GPR158: variants seen among roughly 807,000 people sequenced by gnomAD.
GPR158 encodes the protein G protein-coupled receptor 158, also known as metabotropic glycine receptor.
Under a neutral mutation model 78.2 loss-of-function variants are expected in GPR158, and 30 were observed. The observed-to-expected ratio is 0.38, with a 90% CI of 0.29 to 0.52. GPR158 has a LOEUF of 0.52. Among genes scored for constraint, GPR158 ranks in the 20% least tolerant of loss-of-function variants. GPR158 has a pLI of 0.83. For synonymous variants in GPR158, 581 were observed against 591.1 expected, an observed-to-expected ratio of 0.98 and a Z score of 0.25; for missense variants, 1,463 against 1,523.5, an observed-to-expected ratio of 0.96 and a Z score of 0.66.
intron 1 of GPR158, among the ~76,000 whole-genome samples, chr10:25,215,327 A>T: frequency 6.6e-6 from 1 of 152,110 alleles, no homozygotes; most frequent in Non-Finnish European, 1.5e-5. Context: ...ACTCATAGAG[A>T]CAGAAAGTAG....
chr10:25,574,143 T>C (rs1232678462), intron 7 of GPR158, among the ~76,000 whole-genome samples: 1 of 85,838 alleles, frequency 1.2e-5, no homozygotes, highest in Admixed American at 1.3e-4. Context: ...TTTTTCTGTT[T>C]TACAAAAAAA....
intron 2 of GPR158, among the ~76,000 whole-genome samples, chr10:25,351,101 C>T (rs1237474172): frequency 2.6e-5 from 4 of 151,864 alleles, no homozygotes; most frequent in Non-Finnish European, 4.4e-5. Flanking sequence ...AGCCTGAACG[C>T]GTGGCTATTT....
chr10:25,376,269 C>T (rs1834078387), intron 2 of GPR158, among the ~76,000 whole-genome samples: 1 of 151,330 alleles, frequency 6.6e-6, no homozygotes, highest in African/African-American at 2.4e-5. Flanking sequence ...GTATTTTTTT[C>T]CAATTAAAGA....
At chr10:25,480,599 G>A (rs927394019) in intron 5 of GPR158, among the ~76,000 whole-genome samples, 3 of 152,062 alleles carry the variant, frequency 2.0e-5, no homozygotes, top group African/African-American at 7.2e-5. Context: ...TTATTCTTTT[G>A]TCCATGGCTT....
chr10:25,433,704 T>C (rs2130579705), intron 4 of GPR158, among the ~76,000 whole-genome samples: 1 of 144,536 alleles, frequency 6.9e-6, no homozygotes, highest in Non-Finnish European at 1.5e-5. Flanking sequence ...CTTTTTTTTT[T>C]TTTTTTTGGT....
chr10:25,555,919 A>C (rs938724659), intron 6 of GPR158, among the ~76,000 whole-genome samples: 2 of 152,126 alleles, frequency 1.3e-5, no homozygotes, highest in East Asian at 3.9e-4. Context: ...TTAGCACCAA[A>C]TATTTACAGT....
chr10:25,288,035 A>C (rs12262426), intron 2 of GPR158, among the ~76,000 whole-genome samples: 7,400 of 149,792 alleles, frequency 0.049, 676 homozygotes, highest in African/African-American at 0.18. Context: ...CCACATTTCC[A>C]TTACTGAAAG....
At chr10:25,353,089 A>G (rs1400535155) in intron 2 of GPR158, among the ~76,000 whole-genome samples, 1 of 152,092 alleles carries the variant, frequency 6.6e-6, no homozygotes, top group Non-Finnish European at 1.5e-5. Flanking sequence ...TACTATAGTT[A>G]TAAACCTTAT....
At chr10:25,179,615 C>A (rs1172432832) in intron 1 of GPR158, among the ~76,000 whole-genome samples, 2 of 152,044 alleles carry the variant, frequency 1.3e-5, no homozygotes, top group African/African-American at 2.4e-5. Context: ...AAATTCTATT[C>A]CCTTATGTTT....
chr10:25,237,552 T>C (rs532918598), intron 2 of GPR158, among the ~76,000 whole-genome samples: 10 of 152,358 alleles, frequency 6.6e-5, no homozygotes, highest in African/African-American at 1.9e-4. Flanking sequence ...TCATTTGTGA[T>C]AGATGAATTT....
chr10:25,567,389 A>G (rs2130727373), intron 6 of GPR158, among the ~76,000 whole-genome samples: 1 of 152,318 alleles, frequency 6.6e-6, no homozygotes, highest in East Asian at 1.9e-4. Flanking sequence ...AAAGTTTGTT[A>G]AAATAGATTG....
intron 2 of GPR158, among the ~76,000 whole-genome samples, chr10:25,364,799 T>A (rs945560090): frequency 6.6e-6 from 1 of 151,860 alleles, no homozygotes; most frequent in Admixed American, 6.6e-5. Context: ...ATAGCTACTT[T>A]CTTTAAAATT....
chr10:25,596,223 T>C (rs1019095549), intron 9 of GPR158, among the ~76,000 whole-genome samples: 12 of 152,188 alleles, frequency 7.9e-5, no homozygotes, highest in African/African-American at 2.9e-4. Context: ...CCAGGTGGTG[T>C]AACCAGTGGC....
chr10:25,416,585 C>G (rs1834663654), intron 4 of GPR158, among the ~76,000 whole-genome samples: 1 of 148,360 alleles, frequency 6.7e-6, no homozygotes, highest in Admixed American at 6.8e-5. Flanking sequence ...CATACTCCTT[C>G]TTGTGTTGTT....
chr10:25,578,188 A>C (rs1837131788), intron 7 of GPR158, among the ~76,000 whole-genome samples: 1 of 152,240 alleles, frequency 6.6e-6, no homozygotes, highest in Non-Finnish European at 1.5e-5. Flanking sequence ...TCTGTAGCTC[A>C]CTGAAGACAA....
chr10:25,576,444 G>C (rs923469419), intron 7 of GPR158, among the ~76,000 whole-genome samples: 4 of 152,130 alleles, frequency 2.6e-5, no homozygotes, highest in African/African-American at 7.2e-5. Context: ...CTCCTCCAGA[G>C]AGAAAACTTA....
At chr10:25,462,441 A>G (rs1835368712) in intron 4 of GPR158, among the ~76,000 whole-genome samples, 1 of 152,210 alleles carries the variant, frequency 6.6e-6, no homozygotes, top group Admixed American at 6.5e-5. Flanking sequence ...TCTGCTGCCC[A>G]TGGATTAAGG....
Position 25,586,390 on chromosome 10 carries a change from A to ATTTTTTTTTTTTTTTTTTTTTTTT in GPR158, c.1754-2617_1754-2616insTTTTTTTTTTTTTTTTTTTTTTTT, listed in dbSNP as rs1564498202. Among the ~76,000 whole-genome samples the ATTTTTTTTTTTTTTTTTTTTTTTT allele has an allele frequency of 1.5e-5, 2 of 130,942 alleles. 1 individual carries two copies. The highest frequency in any genetic ancestry group is 3.2e-5 in the Non-Finnish European group (2 of 61,846). 85.9% of individuals were successfully genotyped at this position (130,942 alleles called of 152,430 possible). A position where few individuals can be genotyped will look rare whatever the true frequency, so the allele number is the denominator to read the frequency against. On this transcript the variant is annotated intron_variant, in intron 7 of 10. Transcript: ENST00000376351. ...CCAGGGTTGTAAGTAGGTATGTGTG[A>ATTTTTTTTTTTTTTTTTTTTTTTT]ATTTTTTTTTTTTTTTTTTTTTTTT...
intron 2 of GPR158, among the ~76,000 whole-genome samples, chr10:25,280,903 A>AG (rs1335458542): frequency 7.8e-4 from 119 of 152,178 alleles, no homozygotes; most frequent in African/African-American, 2.7e-3. Flanking sequence ...TGGGAGGCTG[A>AG]AGGGGTGGAT....
Sources: gnomAD v4.1 joint callset for allele counts (sites outside exome capture counted in the v4.1 genomes callset) on GRCh38, gnomAD v4.1.1 for gene constraint, MANE v1.5 for transcripts, NCBI Gene and HGNC (gene_info 2026-07-23, HGNC 2026-07-21) for gene names.